ODC1: variants seen among roughly 807,000 people sequenced by gnomAD.
ODC1 encodes ornithine decarboxylase 1, also known as ornithine decarboxylase.
In ODC1, 18 loss-of-function variants were observed where a neutral mutation model predicts 41.5. The observed-to-expected ratio is 0.43, with a 90% confidence interval of 0.30 to 0.64. The LOEUF is 0.64. Ranked by LOEUF, ODC1 falls within the 30% of genes least tolerant of loss-of-function variation. ODC1 has a pLI of 0.11. For synonymous variants in ODC1, 218 were observed against 211.6 expected, an observed-to-expected ratio of 1.03 and a Z score of -0.26; for missense variants, 504 against 589.0, an observed-to-expected ratio of 0.86 and a Z score of 1.49.
intron 8 of ODC1, 114 bp from the exon 9 acceptor site, chr2:10,442,288 A>G: frequency 9.1e-7 from 1 of 1,095,198 alleles, no homozygotes; most frequent in South Asian, 1.8e-5. Context: ...ATCAACAGAC[A>G]GGTTTATCAT....
rs764100380 is a variant in ODC1, at chr2:10,443,759, G to T, written c.527C>A (p.Thr176Asn). 2.5e-6 allele frequency: 4 copies of T among 1,614,068 alleles called. No individual in the cohort carries two copies. In the African/African-American group the frequency reaches 5.3e-5, roughly 22 times the overall value. The stretch of plus-strand genomic sequence containing the variant: ...CGCCCGTTCCAAAAGGAGCCTGCTG[G>T]TTCTGAGCGTGGCACCGAATTTCAC... ...LSVKFGATLR[T>N]SRLLLERAKE... The change falls in exon 6 of 12, where the codon ACC (threonine) becomes AAC (asparagine). Residue 176 changes from threonine (T) to asparagine (N), a missense_variant. Thr to Asn is a moderately conservative substitution (Grantham distance 65, BLOSUM62 0). Coordinates refer to ENST00000234111, the MANE Select transcript of ODC1 (RefSeq NM_002539.3).
In ODC1 at chr2:10,440,616, C is replaced by T; in HGVS notation, c.*108G>A. The T allele has an allele frequency of 8.6e-7, 1 of 1,163,612 alleles. No homozygotes were observed. The highest frequency in any genetic ancestry group is 1.2e-6 in the Non-Finnish European group (1 of 817,216). The allele number at this position is 1,163,612 out of a possible 1,614,324, so 72.1% of individuals were successfully genotyped here. A position where few individuals can be genotyped will look rare whatever the true frequency, so the allele number is the denominator to read the frequency against. On this transcript the variant is annotated 3_prime_UTR_variant, in exon 12 of 12. Transcript: ENST00000234111. ...CTTCCATATGGCTGCATCATGGCGA[C>T]CCTACTCTTACAAAGACATTTCAAA...
intron 1 of ODC1, chr2:10,447,735 G>A (rs1372707446): frequency 2.0e-5 from 3 of 151,926 alleles, no homozygotes; most frequent in Admixed American, 2.0e-4. Flanking sequence ...CTGTACCAAG[G>A]CGAGCCCGGG....
At chr2:10,445,786 C>G (rs1355790337) in intron 1 of ODC1, among the ~76,000 whole-genome samples, 1 of 152,098 alleles carries the variant, frequency 6.6e-6, no homozygotes, top group Admixed American at 6.5e-5. Context: ...CAGGCGCCTG[C>G]CACCATGCCC....
chr2:10,444,314 G>A lies in ODC1; in HGVS notation c.277-47C>T, dbSNP rs1423926187. 7.8e-6 allele frequency: 12 copies of A among 1,532,034 alleles called. No individual in the cohort carries two copies. The South Asian group carries it at 1.4e-4, about 18-fold the overall frequency. The allele number at this position is 1,532,034 out of a possible 1,614,324, so 94.9% of individuals were successfully genotyped here. On this transcript the variant is annotated intron_variant, in intron 4 of 11. Coordinates refer to ENST00000234111, the MANE Select transcript of ODC1 (RefSeq NM_002539.3). ...ATGCTATCCATATGTGGCTTAACAC[G>A]TGGAATAAACAGAAAAGCATGGGAA...
intron 1 of ODC1, chr2:10,447,358 CA>C (rs1384952973): frequency 6.6e-6 from 1 of 152,208 alleles, no homozygotes; most frequent in Non-Finnish European, 1.5e-5. Context: ...TATGTTTAAA[CA>C]AAGTCAGCCA....
In ODC1 at chr2:10,444,184, A is replaced by G; in HGVS notation, c.360T>C (p.Ile120=). Residue 120 remains isoleucine, a synonymous_variant, in exon 5 of 12, where the codon ATT becomes ATC. Transcript: ENST00000234111. ...YANPCKQVSQ[I]KYAANNGVQM... is the part of the protein sequence containing the mutation. The stretch of plus-strand genomic sequence containing the variant: ...GGACTCCATTATTAGCAGCATACTT[A>G]ATTTGAGATACTTGTTTACAAGGAT... The G allele has an allele frequency of 6.2e-7, 1 of 1,613,212 alleles. No individual in the cohort carries two copies. Among genetic ancestry groups the G allele is most frequent in the Non-Finnish European group, 8.5e-7 (1 of 1,179,820 alleles).
chr2:10,443,089 A>G (rs1368764706), intron 8 of ODC1, 141 bp downstream of exon 8: 1 of 684,842 alleles, frequency 1.5e-6, no homozygotes, highest in Non-Finnish European at 2.6e-6. Context: ...AATGTCAGAC[A>G]GCACAAAGAA....
chr2:10,442,860 G>A (rs143138545), intron 8 of ODC1, among the ~76,000 whole-genome samples: 1,557 of 151,106 alleles, frequency 0.01, 18 homozygotes, highest in African/African-American at 0.035. Context: ...ACAGGTGCCC[G>A]CCACCACACC....
intron 4 of ODC1, 94 bp downstream of exon 4, chr2:10,444,380 A>G: frequency 1.3e-6 from 2 of 1,510,338 alleles, no homozygotes; most frequent in Non-Finnish European, 1.8e-6. Flanking sequence ...TTTAGTGAGC[A>G]TTTATTGCCC....
chr2:10,440,904 C>T (rs772850511), intron 11 of ODC1, 36 bp from the exon 12 acceptor site: 1 of 1,612,378 alleles, frequency 6.2e-7, no homozygotes, highest in Admixed American at 1.7e-5. Flanking sequence ...AAAACCCTGA[C>T]TCACTCCTAA....
intron 1 of ODC1, chr2:10,446,900 C>T (rs1672033750): frequency 1.2e-5 from 2 of 164,116 alleles, no homozygotes; most frequent in South Asian, 2.5e-4. Context: ...GCATTGTCAA[C>T]CTCCGAAGTT....
chr2:10,444,514 G>C lies in ODC1; in HGVS notation c.236C>G (p.Thr79Ser), dbSNP rs373334646. The stretch of plus-strand genomic sequence containing the variant: ...AAATCCTGTCCCGGTAGCAGCAAGG[G>C]TCTTCACGATGGCTTTGCTATCATT... ...KCNDSKAIVK[T>S]LAATGTGFDC... Residue 79 changes from threonine (T) to serine (S), a missense_variant, in exon 4 of 12, where the codon ACC (threonine) becomes AGC (serine). Physicochemically the swap from Thr to Ser is moderately conservative, Grantham distance 58. Transcript: ENST00000234111. The C allele has an allele frequency of 6.2e-7, 1 of 1,613,752 alleles. No individual in the cohort carries two copies.
rs573416709 is a variant in ODC1 at position 10,441,644 on chromosome 2, C to T, written c.1106G>A (p.Arg369His). The T allele has an allele frequency of 1.4e-5, 22 of 1,614,226 alleles. No individual in the cohort carries two copies. Among genetic ancestry groups the T allele is most frequent in the South Asian group, 7.7e-5 (7 of 91,076 alleles). Residue 369 changes from arginine (R) to histidine (H), a missense_variant, in exon 11 of 12, where the codon CGC becomes CAC. Arg to His is a conservative substitution (Grantham distance 29). Transcript: ENST00000234111. ...CACATGCATTTCAGGCAGGTCACAG[C>T]GCTCAACAATCCGATCGAGGCCATC... ...TCDGLDRIVE[R>H]CDLPEMHVGD... is the part of the protein sequence containing the mutation.
chr2:10,443,875 A>T (rs1397366050), intron 5 of ODC1, 39 bp from the exon 6 acceptor site: 9 of 1,608,658 alleles, frequency 5.6e-6, no homozygotes, highest in Non-Finnish European at 7.7e-6. Flanking sequence ...CTCATGATAG[A>T]TGTTCACTTA....
chr2:10,445,038 C>A lies in ODC1; in HGVS notation c.-6G>T. On this transcript the variant is annotated 5_prime_UTR_variant, in exon 3 of 12. Transcript: ENST00000234111. The stretch of plus-strand genomic sequence containing the variant: ...TCATTACCAAAGTTGTTCATGATTT[C>A]TTGATGTTCCTCTGAAATGCAACAA... 6.3e-7 allele frequency: 1 copy of A among 1,584,096 alleles called. No individual in the cohort carries two copies. The highest frequency in any genetic ancestry group is 8.7e-7 in the Non-Finnish European group (1 of 1,152,826).
chr2:10,445,468 T>C (rs1233191958), intron 1 of ODC1, among the ~76,000 whole-genome samples: 3 of 152,166 alleles, frequency 2.0e-5, no homozygotes, highest in Non-Finnish European at 4.4e-5. Flanking sequence ...TACCAGGTTT[T>C]TCCAAGGCAG....
chr2:10,444,417 TG>T, intron 4 of ODC1, 56 bp downstream of exon 4: 1 of 1,541,494 alleles, frequency 6.5e-7, no homozygotes. Context: ...ATCTGCCTCG[TG>T]GGGAATACCA....
chr2:10,446,418 G>A (rs1239882236), intron 1 of ODC1, among the ~76,000 whole-genome samples: 1 of 152,222 alleles, frequency 6.6e-6, no homozygotes, highest in African/African-American at 2.4e-5. Context: ...GGGATTACAG[G>A]CGTGAGCCAC....
Sources: gnomAD v4.1 joint callset for allele counts (sites outside exome capture counted in the v4.1 genomes callset) on GRCh38, gnomAD v4.1.1 for gene constraint, MANE v1.5 for transcripts, NCBI Gene and HGNC (gene_info 2026-07-23, HGNC 2026-07-21) for gene names.